The following RGS12 variants were observed in gnomAD, a reference collection of about 807,000 sequenced individuals.
The protein encoded by RGS12 is regulator of G-protein signaling 12.
Under a neutral mutation model 120.1 loss-of-function variants are expected in RGS12, and 66 were observed. The ratio of observed to expected loss-of-function variants is 0.55; its 90% CI spans 0.45 to 0.67. The LOEUF is 0.67. Ranked by LOEUF, RGS12 falls within the 30% of genes least tolerant of loss-of-function variation. The pLI, the probability that RGS12 is intolerant of heterozygous loss-of-function variation, is 0.00. For missense variants in RGS12, 1,859 were observed against 1,957.7 expected, an observed-to-expected ratio of 0.95 and a Z score of 0.95; for synonymous variants, 827 against 804.7, an observed-to-expected ratio of 1.03 and a Z score of -0.47.
intron 6 of RGS12, 112 bp from the exon 7 acceptor site, chr4:3,415,866 C>A: frequency 1.8e-6 from 2 of 1,121,108 alleles, no homozygotes; most frequent in Non-Finnish European, 2.5e-6. Flanking sequence ...GAGGTATTTA[C>A]TGGGGCCCGT....
At chr4:3,407,805 C>A (rs1721319546) in intron 4 of RGS12, among the ~76,000 whole-genome samples, 1 of 152,236 alleles carries the variant, frequency 6.6e-6, no homozygotes, top group East Asian at 1.9e-4. Flanking sequence ...CCGTGTGTTA[C>A]AGAACTAACT....
At position 3,316,500 on chromosome 4, in the gene RGS12, A is replaced by AG. The variant is rs1260258958; in HGVS notation, c.335dup (p.Leu113ThrfsTer3). The AG allele has an allele frequency of 6.2e-7, 1 of 1,614,064 alleles. No individual in the cohort carries two copies. The highest frequency in any genetic ancestry group is 1.7e-5 in the Admixed American group (1 of 60,014). ...TCGAATCCTGTTCCAGTGATGAAGA[A>AG]GGGGGACTCTATGAAGGAAAAGGCT... On this transcript the variant is annotated frameshift_variant, in exon 2 of 18. Coordinates refer to ENST00000336727, the MANE Select transcript of RGS12 (RefSeq NM_001394154.1). LOFTEE classifies it high-confidence loss of function.
intron 4 of RGS12, among the ~76,000 whole-genome samples, chr4:3,410,932 C>T (rs1391636078): frequency 6.6e-6 from 1 of 152,202 alleles, no homozygotes; most frequent in Non-Finnish European, 1.5e-5. Flanking sequence ...TGGCCGGTGC[C>T]CCACAGTTTC....
At chr4:3,355,531 A>G (rs1714789137) in intron 3 of RGS12, among the ~76,000 whole-genome samples, 1 of 152,220 alleles carries the variant, frequency 6.6e-6, no homozygotes, top group South Asian at 2.1e-4. Flanking sequence ...GTGGTGGCTC[A>G]CGCCTGTAAT....
intron 3 of RGS12, among the ~76,000 whole-genome samples, chr4:3,379,824 A>T (rs990047424): frequency 7.2e-5 from 11 of 152,182 alleles, no homozygotes; most frequent in African/African-American, 2.7e-4. Context: ...ACACATGGGG[A>T]TTATGGGAAC....
rs375410795 is a variant in RGS12, at chr4:3,317,240, G to A, written c.1070G>A (p.Arg357Gln). The A allele has an allele frequency of 3.1e-6, 5 of 1,614,038 alleles. No homozygotes were observed. The African/African-American group carries it at 4.0e-5, about 13-fold the overall frequency. The change falls in exon 2 of 18, where the codon CGG (arginine) becomes CAG (glutamine). Residue 357 changes from arginine (R) to glutamine (Q), a missense_variant. Coordinates refer to ENST00000336727, the MANE Select transcript of RGS12 (RefSeq NM_001394154.1). Reference sequence around the variant, plus strand: ...CACAAGATCCACCAAGGCATTGCTCGGCGGTTTGGGTTTGAGTGCACGGCC... The same window carrying A: ...CACAAGATCCACCAAGGCATTGCTCAGCGGTTTGGGTTTGAGTGCACGGCC... ...FNHKIHQGIA[R>Q]RFGFECTADP... is the part of the protein sequence containing the mutation.
chr4:3,410,708 T>C lies in RGS12; in HGVS notation c.2021-3364T>C, dbSNP rs549757012. Among the ~76,000 whole-genome samples the C allele has an allele frequency of 7.9e-5, 12 of 152,350 alleles. No homozygotes were observed. In the South Asian group the frequency reaches 2.5e-3, roughly 32 times the overall value. Reference sequence around the variant, plus strand: ...TCAGACTTCACTGCCATCGTGATCTTGGCCAGGAGGATGGCTACAAACAGC... The same window carrying C: ...TCAGACTTCACTGCCATCGTGATCTCGGCCAGGAGGATGGCTACAAACAGC... On this transcript the variant is annotated intron_variant, in intron 4 of 17. Transcript: ENST00000336727.
At chr4:3,315,825 TCA>T (rs1158206114) in intron 1 of RGS12, among the ~76,000 whole-genome samples, 1 of 152,216 alleles carries the variant, frequency 6.6e-6, no homozygotes, top group African/African-American at 2.4e-5. Flanking sequence ...TCCTGCATCC[TCA>T]CACCCGTGGC....
rs778847850 is a variant in RGS12, at chr4:3,342,982, C to T, written c.1927C>T (p.Arg643Cys). The T allele has an allele frequency of 5.0e-5, 80 of 1,613,766 alleles. 3 individuals are homozygous for T. In the South Asian group the frequency reaches 5.8e-4, roughly 12 times the overall value. The stretch of plus-strand genomic sequence containing the variant: ...AACTGGACTCACTCAGCCTTCTCAA[C>T]GCACGTCTGCTCGGAGATCATTTGG... ...RGTGLTQPSQ[R>C]TSARRSFGRS... is the part of the protein sequence containing the mutation. The change falls in exon 3 of 18, where the codon CGC becomes TGC. Residue 643 changes from arginine to cysteine, a missense_variant. Transcript: ENST00000336727.
chr4:3,296,664 C>G (rs929995855), intron 1 of RGS12, among the ~76,000 whole-genome samples: 4 of 152,242 alleles, frequency 2.6e-5, no homozygotes, highest in Non-Finnish European at 5.9e-5. Context: ...CACTTGTCTT[C>G]GAAATGACTT....
intron 4 of RGS12, among the ~76,000 whole-genome samples, chr4:3,408,353 G>A (rs1721375256): frequency 6.6e-6 from 1 of 152,218 alleles, no homozygotes; most frequent in South Asian, 2.1e-4. Flanking sequence ...ATAATTGAAA[G>A]TGAGTGTTAG....
At chr4:3,335,369 T>C (rs890294076) in intron 2 of RGS12, among the ~76,000 whole-genome samples, 3 of 152,230 alleles carry the variant, frequency 2.0e-5, no homozygotes, top group Non-Finnish European at 2.9e-5. Flanking sequence ...GGCTTGGAAT[T>C]CTTCCTGCCG....
At chr4:3,297,474 C>G (rs531206456) in intron 1 of RGS12, among the ~76,000 whole-genome samples, 1 of 152,238 alleles carries the variant, frequency 6.6e-6, no homozygotes, top group Non-Finnish European at 1.5e-5. Context: ...TAGCTCTCCT[C>G]TGTCCCACCA....
intron 3 of RGS12, among the ~76,000 whole-genome samples, chr4:3,359,545 CAGG>C (rs775469458): frequency 1.4e-5 from 2 of 144,528 alleles, no homozygotes; most frequent in South Asian, 4.6e-4. Flanking sequence ...TTTCCTTTAT[CAGG>C]AGATTTTTCT....
chr4:3,287,453 C>T, the RGS12 span, among the ~76,000 whole-genome samples: 1 of 152,212 alleles, frequency 6.6e-6, no homozygotes, highest in Non-Finnish European at 1.5e-5. Flanking sequence ...CAAGAAGAGA[C>T]ATTTCAAAGC....
intron 1 of RGS12, among the ~76,000 whole-genome samples, chr4:3,301,918 G>A (rs1030615635): frequency 6.6e-6 from 1 of 151,992 alleles, no homozygotes; most frequent in East Asian, 1.9e-4. Flanking sequence ...CAGTGTTGCC[G>A]CACAGCATTT....
chr4:3,344,712 C>T (rs1048430037), intron 3 of RGS12, among the ~76,000 whole-genome samples: 1 of 152,372 alleles, frequency 6.6e-6, no homozygotes, highest in South Asian at 2.1e-4. Context: ...CTGGGTGTCC[C>T]CAGTGGATGC....
chr4:3,414,731 T>G (rs1367729331), intron 5 of RGS12, 21 bp from the exon 6 acceptor site: 1 of 1,526,640 alleles, frequency 6.6e-7, no homozygotes, highest in Non-Finnish European at 9.1e-7. Context: ...TGTTAATAAA[T>G]GGTGTCTTTG....
intron 3 of RGS12, among the ~76,000 whole-genome samples, chr4:3,371,641 C>T (rs1254391488): frequency 2.6e-5 from 4 of 152,124 alleles, no homozygotes; most frequent in Admixed American, 2.0e-4. Flanking sequence ...GTGAGCGGCT[C>T]CCCCTCTCGC....
Sources: allele counts gnomAD v4.1 joint callset (sites outside exome capture counted in the v4.1 genomes callset), GRCh38; gene constraint gnomAD v4.1.1; transcripts MANE v1.5; gene names NCBI Gene and HGNC (gene_info 2026-07-23, HGNC 2026-07-21).